Variants in CCDC192 observed in about 807,000 individuals in gnomAD.
The protein encoded by CCDC192 is coiled-coil domain containing 192.
intron 3 of CCDC192, among the ~76,000 whole-genome samples, chr5:127,796,338 G>T (rs1260051661): frequency 1.3e-5 from 2 of 152,198 alleles, no homozygotes; most frequent in Admixed American, 1.3e-4. Flanking sequence ...ATGCTTCAGA[G>T]AATGCCCTGG....
intron 6 of CCDC192, among the ~76,000 whole-genome samples, chr5:127,894,600 T>C (rs796175641): frequency 2.0e-5 from 3 of 152,338 alleles, no homozygotes; most frequent in African/African-American, 7.2e-5. Context: ...GAATACCTTC[T>C]CAGGATATTC....
chr5:127,887,818 C>T (rs1752613425), intron 6 of CCDC192, among the ~76,000 whole-genome samples: 1 of 151,622 alleles, frequency 6.6e-6, no homozygotes, highest in Non-Finnish European at 1.5e-5. Flanking sequence ...ATTCTCCTGC[C>T]TCAGCCTCCC....
chr5:127,894,419 C>T (rs994703716), intron 6 of CCDC192, among the ~76,000 whole-genome samples: 2 of 152,042 alleles, frequency 1.3e-5, no homozygotes, highest in Admixed American at 6.6e-5. Flanking sequence ...TCTCGATCTC[C>T]TGACCTCGTG....
chr5:127,709,399 G>A (rs73343079), intron 2 of CCDC192, among the ~76,000 whole-genome samples: 98 of 152,236 alleles, frequency 6.4e-4, no homozygotes, highest in African/African-American at 2.3e-3. Context: ...CTCCTGCAAC[G>A]CTGGGAATTA....
intron 6 of CCDC192, among the ~76,000 whole-genome samples, chr5:127,884,091 G>C (rs1304016923): frequency 6.6e-6 from 1 of 151,922 alleles, no homozygotes; most frequent in Non-Finnish European, 1.5e-5. Flanking sequence ...CATGATTTCT[G>C]TTACTGAAAG....
At chr5:127,721,337 A>G (rs548952252) in intron 2 of CCDC192, among the ~76,000 whole-genome samples, 1 of 152,326 alleles carries the variant, frequency 6.6e-6, no homozygotes, top group Admixed American at 6.5e-5. Flanking sequence ...CATTCTACAT[A>G]TTCCCAGAGC....
In CCDC192 at chr5:127,712,508, G is replaced by A. The variant is rs145871608; in HGVS notation, c.114+4748G>A. Among the ~76,000 whole-genome samples, 455 of 152,320 alleles carry A rather than the reference G, an allele frequency of 3.0e-3. 2 individuals are homozygous for A. The highest frequency in any genetic ancestry group is 0.01 in the African/African-American group (419 of 41,572). On this transcript the variant is annotated intron_variant, in intron 2 of 6. Coordinates refer to ENST00000514853, the MANE Select transcript of CCDC192 (RefSeq NM_001317938.2). ...TCCACCATTAGTGGAAGCAGTCTGA[G>A]ATCCTCCAGAAACTAAGCAGATGCT... is the stretch of plus-strand genomic sequence containing the variant.
intron 5 of CCDC192, among the ~76,000 whole-genome samples, chr5:127,811,058 A>G (rs1055620866): frequency 2.0e-5 from 3 of 152,204 alleles, no homozygotes; most frequent in African/African-American, 7.2e-5. Context: ...AACACTCAGC[A>G]TCAGGCCTCT....
At chr5:127,843,285 G>T (rs1241371439) in intron 5 of CCDC192, among the ~76,000 whole-genome samples, 1 of 151,390 alleles carries the variant, frequency 6.6e-6, no homozygotes, top group Non-Finnish European at 1.5e-5. Flanking sequence ...TAATCCACCC[G>T]CCTCAGCCTC....
At chr5:127,764,810 A>G (rs967918203) in intron 3 of CCDC192, among the ~76,000 whole-genome samples, 1 of 152,134 alleles carries the variant, frequency 6.6e-6, no homozygotes, top group East Asian at 1.9e-4. Flanking sequence ...GCCACATTCC[A>G]TGCCATCCTG....
chr5:127,799,149 TCAGA>T (rs911528448), intron 5 of CCDC192, among the ~76,000 whole-genome samples: 9 of 152,166 alleles, frequency 5.9e-5, no homozygotes, highest in Non-Finnish European at 4.4e-5. Context: ...ACCAGGCCCC[TCAGA>T]CAGACCTGAG....
intron 6 of CCDC192, among the ~76,000 whole-genome samples, chr5:127,889,445 A>C: frequency 7.0e-6 from 1 of 142,936 alleles, no homozygotes; most frequent in South Asian, 2.2e-4. Flanking sequence ...CACTGTCCCC[A>C]GGCTGGAGTG....
chr5:127,859,536 A>G (rs1418636242), intron 5 of CCDC192, among the ~76,000 whole-genome samples: 9 of 89,886 alleles, frequency 1.0e-4, no homozygotes, highest in Admixed American at 9.7e-4. Flanking sequence ...CAGGATGTTC[A>G]TTTTAAAGGT....
chr5:127,778,441 T>C (rs936616538), intron 3 of CCDC192, among the ~76,000 whole-genome samples: 1 of 152,196 alleles, frequency 6.6e-6, no homozygotes, highest in Non-Finnish European at 1.5e-5. Flanking sequence ...ATTGAACCAC[T>C]CTTGTACATC....
At chr5:127,784,169 A>G (rs1756403474) in intron 3 of CCDC192, among the ~76,000 whole-genome samples, 1 of 152,192 alleles carries the variant, frequency 6.6e-6, no homozygotes, top group Non-Finnish European at 1.5e-5. Flanking sequence ...TCAATTAGAA[A>G]TCCTTTAATT....
At chr5:127,852,503 A>G (rs1478620816) in intron 5 of CCDC192, among the ~76,000 whole-genome samples, 1 of 151,940 alleles carries the variant, frequency 6.6e-6, no homozygotes, top group Non-Finnish European at 1.5e-5. Context: ...AGAGCCACAA[A>G]CTTCTGTGGC....
chr5:127,827,655 C>T (rs1411124604), intron 5 of CCDC192, among the ~76,000 whole-genome samples: 2 of 152,190 alleles, frequency 1.3e-5, no homozygotes, highest in Non-Finnish European at 2.9e-5. Context: ...ATTAATTCAG[C>T]AGTTCTCCCC....
chr5:127,760,631 G>A (rs538213904), intron 3 of CCDC192, among the ~76,000 whole-genome samples: 95 of 146,276 alleles, frequency 6.5e-4, no homozygotes, highest in Non-Finnish European at 1.2e-3. Context: ...CAAAAAATTC[G>A]CCGGGCATGG....
At chr5:127,801,747 A>G (rs1757517924) in intron 5 of CCDC192, among the ~76,000 whole-genome samples, 1 of 152,174 alleles carries the variant, frequency 6.6e-6, no homozygotes, top group Admixed American at 6.6e-5. Flanking sequence ...TAAAGTAAAC[A>G]TTGTAGACAA....
Sources: allele counts gnomAD v4.1 joint callset (sites outside exome capture counted in the v4.1 genomes callset), GRCh38; gene constraint gnomAD v4.1.1; transcripts MANE v1.5; gene names NCBI Gene and HGNC (gene_info 2026-07-23, HGNC 2026-07-21).